PRKCH: variants seen among roughly 807,000 people sequenced by gnomAD.
The protein encoded by PRKCH is protein kinase C eta type.
In PRKCH, 28 loss-of-function variants were observed where a neutral mutation model predicts 82.5. The ratio of observed to expected loss-of-function variants is 0.34; its 90% CI spans 0.25 to 0.47. PRKCH has a LOEUF of 0.47. Among genes scored for constraint, PRKCH ranks in the 20% least tolerant of loss-of-function variants. The pLI, the probability that PRKCH is intolerant of heterozygous loss-of-function variation, is 1.00. For missense variants in PRKCH, 705 were observed against 881.8 expected (o/e 0.80, Z 2.54); for synonymous variants, 322 against 327.4 (o/e 0.98, Z 0.18).
chr14:61,298,812 C>T (rs1349951533), intron 1 of PRKCH: 1 of 152,076 alleles, frequency 6.6e-6, no homozygotes, highest in African/African-American at 2.4e-5. Context: ...TCAATTCTTG[C>T]CTCCTCAGAA....
chr14:61,318,666 T>C (rs1031776444), upstream of PRKCH, among the ~76,000 whole-genome samples: 1 of 152,148 alleles, frequency 6.6e-6, no homozygotes, highest in Non-Finnish European at 1.5e-5. Flanking sequence ...TTCATCTATT[T>C]ATCTTCATCT....
intron 9 of PRKCH, among the ~76,000 whole-genome samples, chr14:61,458,976 G>A (rs913054757): frequency 2.0e-5 from 3 of 152,156 alleles, no homozygotes; most frequent in Admixed American, 6.5e-5. Flanking sequence ...GAGGCTGGAA[G>A]AGCAAATATC....
At chr14:61,484,383 C>A (rs3783774) in intron 9 of PRKCH, among the ~76,000 whole-genome samples, 1 of 148,592 alleles carries the variant, frequency 6.7e-6, no homozygotes, top group Admixed American at 6.8e-5. Context: ...CTATGGGATC[C>A]CGGCTCCGAA....
rs1348730093 is a variant in PRKCH, at chr14:61,391,277, G to C, written c.416G>C (p.Ser139Thr). ...KVFVVITLTGSFTEATLQRDR... is the reference protein window; with the variant it reads ...KVFVVITLTGTFTEATLQRDR... ...TTTGTGGTAATAACCCTTACCGGGA[G>C]TTTCACTGAAGGTAAGAATGAGTTT... The change falls in exon 2 of 14, where the codon AGT (serine) becomes ACT (threonine). Residue 139 changes from serine (S) to threonine (T), a missense_variant. Transcript: ENST00000332981. 1 of 1,610,172 alleles carries C rather than the reference G, an allele frequency of 6.2e-7. No individual in the cohort carries two copies. The highest frequency in any genetic ancestry group is 8.5e-7 in the Non-Finnish European group (1 of 1,178,362).
At chr14:61,542,385 A>G (rs2043199771) in intron 12 of PRKCH, among the ~76,000 whole-genome samples, 1 of 137,212 alleles carries the variant, frequency 7.3e-6, no homozygotes, top group South Asian at 2.4e-4. Flanking sequence ...AAAAAAAAAA[A>G]GTTTTCCAAA....
intron 2 of PRKCH, among the ~76,000 whole-genome samples, chr14:61,408,047 A>G (rs1318171780): frequency 6.6e-6 from 1 of 152,158 alleles, no homozygotes; most frequent in African/African-American, 2.4e-5. Context: ...CATTTGTCCC[A>G]TGTGTTTACT....
chr14:61,500,134 T>G (rs1196571697), intron 10 of PRKCH, among the ~76,000 whole-genome samples: 1 of 151,524 alleles, frequency 6.6e-6, no homozygotes, highest in Non-Finnish European at 1.5e-5. Context: ...AAATCAGAAC[T>G]ATCTGAACTA....
In PRKCH at chr14:61,449,145, G is replaced by A; in HGVS notation, c.614-19G>A. 1 of 1,605,892 alleles carries A rather than the reference G, an allele frequency of 6.2e-7. No individual in the cohort carries two copies. Among genetic ancestry groups the A allele is most frequent in the Non-Finnish European group, 8.5e-7 (1 of 1,172,616 alleles). ...GTGAGCTTCTGATAAATGTATAATTGCTGGATTTAATTTCCTAGTGTGCAC... is the reference window on the plus strand; with the variant it reads ...GTGAGCTTCTGATAAATGTATAATTACTGGATTTAATTTCCTAGTGTGCAC... On this transcript the variant is annotated intron_variant, in intron 4 of 13. Coordinates refer to ENST00000332981, the MANE Select transcript of PRKCH (RefSeq NM_006255.5).
At chr14:61,247,354 C>T (rs1182677706) in intron 1 of PRKCH, among the ~76,000 whole-genome samples, 1 of 151,738 alleles carries the variant, frequency 6.6e-6, no homozygotes, top group African/African-American at 2.4e-5. Flanking sequence ...CAATGTATAC[C>T]TCAGCCCCTT....
intron 2 of PRKCH, among the ~76,000 whole-genome samples, chr14:61,434,185 A>G (rs998301555): frequency 3.9e-5 from 6 of 152,222 alleles, no homozygotes; most frequent in African/African-American, 1.4e-4. Flanking sequence ...TAACTGGAAA[A>G]TGTTTACATT....
Position 61,549,926 on chromosome 14 carries a change from G to C in PRKCH, c.*95G>C. ...TGGGACCTTCCCAGCATCAGCCTTA[G>C]AACAAGAACCTTACCTTCAAGGAGC... On this transcript the variant is annotated 3_prime_UTR_variant, in exon 14 of 14. Coordinates refer to ENST00000332981, the MANE Select transcript of PRKCH (RefSeq NM_006255.5). 2 of 1,369,362 alleles carry C rather than the reference G, an allele frequency of 1.5e-6. No individual in the cohort carries two copies. The highest frequency in any genetic ancestry group is 2.0e-6 in the Non-Finnish European group (2 of 1,006,736). 84.8% of individuals were successfully genotyped at this position (1,369,362 alleles called of 1,614,324 possible).
intron 1 of PRKCH, among the ~76,000 whole-genome samples, chr14:61,378,116 T>C (rs2046449086): frequency 6.6e-6 from 1 of 152,192 alleles, no homozygotes; most frequent in African/African-American, 2.4e-5. Flanking sequence ...TTCCCACTAA[T>C]TGAAACTTGC....
At chr14:61,439,423 G>A (rs1883844206) in intron 2 of PRKCH, among the ~76,000 whole-genome samples, 1 of 149,370 alleles carries the variant, frequency 6.7e-6, no homozygotes, top group Non-Finnish European at 1.5e-5. Flanking sequence ...AGTCCCAGGT[G>A]TGTGTGTAGG....
At chr14:61,502,444 T>C (rs932945334) in intron 10 of PRKCH, among the ~76,000 whole-genome samples, 1 of 152,156 alleles carries the variant, frequency 6.6e-6, no homozygotes, top group Non-Finnish European at 1.5e-5. Flanking sequence ...GAGAAAGTGC[T>C]GGTTTTTTCA....
chr14:61,230,691 TC>T (rs1481143289), intron 1 of PRKCH, among the ~76,000 whole-genome samples: 13 of 152,162 alleles, frequency 8.5e-5, no homozygotes, highest in Non-Finnish European at 1.3e-4. Flanking sequence ...CTGACCACTG[TC>T]CCCCAACACA....
intron 1 of PRKCH, among the ~76,000 whole-genome samples, chr14:61,293,389 G>A (rs999881267): frequency 7.2e-5 from 11 of 152,336 alleles, no homozygotes; most frequent in Middle Eastern, 3.4e-3. Context: ...CTGGTCCCAG[G>A]TCTTCCAGAA....
rs560117860 is a variant in PRKCH at position 61,390,096 on chromosome 14, A to G, written c.364-1129A>G. On this transcript the variant is annotated intron_variant, in intron 1 of 13. Coordinates refer to ENST00000332981, the MANE Select transcript of PRKCH (RefSeq NM_006255.5). Reference sequence around the variant, plus strand: ...ATTGTAAATTCATGTATTTGAGTCCACAAGAGCCTCACAATGCAAGGCTTA... The same window carrying G: ...ATTGTAAATTCATGTATTTGAGTCCGCAAGAGCCTCACAATGCAAGGCTTA... Among the ~76,000 whole-genome samples, 6 of 152,310 alleles carry G rather than the reference A, an allele frequency of 3.9e-5. 1 individual carries two copies. The South Asian group carries it at 1.2e-3, about 32-fold the overall frequency.
chr14:61,312,489 A>G (rs2045532720), intron 1 of PRKCH, among the ~76,000 whole-genome samples: 1 of 152,234 alleles, frequency 6.6e-6, no homozygotes, highest in Non-Finnish European at 1.5e-5. Context: ...AAAATAGTCA[A>G]TTTAAAGTGA....
chr14:61,447,311 T>G (rs1235740202), intron 4 of PRKCH, among the ~76,000 whole-genome samples: 1 of 152,220 alleles, frequency 6.6e-6, no homozygotes, highest in African/African-American at 2.4e-5. Flanking sequence ...GACAAACTGA[T>G]AGAATCACAA....
Sources: gnomAD v4.1 joint callset for allele counts (sites outside exome capture counted in the v4.1 genomes callset) on GRCh38, gnomAD v4.1.1 for gene constraint, MANE v1.5 for transcripts, NCBI Gene and HGNC (gene_info 2026-07-23, HGNC 2026-07-21) for gene names.